MED10: variants seen among roughly 807,000 people sequenced by gnomAD.
The protein encoded by MED10 is mediator of RNA polymerase II transcription subunit 10.
A neutral mutation model predicts 17.2 loss-of-function variants in MED10; 9 were observed. The ratio of observed to expected loss-of-function variants is 0.52; its 90% confidence interval spans 0.31 to 0.91. The LOEUF (loss-of-function observed/expected upper bound fraction) is 0.91, where lower values mean the gene tolerates loss of function less well. Among genes scored for constraint, MED10 ranks in the 40% least tolerant of loss-of-function variants. The pLI, the probability that MED10 is intolerant of heterozygous loss-of-function variation, is 0.04. For synonymous variants in MED10, 66 were observed against 59.8 expected, an observed-to-expected ratio of 1.10 and a Z score of -0.48; for missense variants, 129 against 164.8, an observed-to-expected ratio of 0.78 and a Z score of 1.19.
rs1300595477 is a variant in MED10 at position 6,372,440 on chromosome 5, G to GC, written c.*62dup. On this transcript the variant is annotated 3_prime_UTR_variant, in exon 4 of 4. Coordinates refer to ENST00000255764, the MANE Select transcript of MED10 (RefSeq NM_032286.3). Reference sequence around the variant, plus strand: ...CAGCAGGAAGGTGGCGTCAGCACTCGCAGTCCCAGCCTCACGCCGCATCGC... The same window carrying GC: ...CAGCAGGAAGGTGGCGTCAGCACTCGCCAGTCCCAGCCTCACGCCGCATCGC... 2 of 1,399,674 alleles carry GC rather than the reference G, an allele frequency of 1.4e-6. No homozygotes were observed. The highest frequency in any genetic ancestry group is 2.8e-5 in the African/African-American group (2 of 70,638). 86.7% of individuals were successfully genotyped at this position (1,399,674 alleles called of 1,614,324 possible). A position where few individuals can be genotyped will look rare whatever the true frequency, so the allele number is the denominator to read the frequency against.
At chr5:6,373,759 A>C (rs1737936402) in intron 3 of MED10, among the ~76,000 whole-genome samples, 1 of 152,208 alleles carries the variant, frequency 6.6e-6, no homozygotes, top group African/African-American at 2.4e-5. Flanking sequence ...CAAATAAAGA[A>C]ACAAAACACC....
chr5:6,372,722 A>C (rs1442896756), intron 3 of MED10, 121 bp from the exon 4 acceptor site: 1 of 698,532 alleles, frequency 1.4e-6, no homozygotes, highest in Admixed American at 2.4e-5. Context: ...CACGGGACTG[A>C]CCTGAGACTT....
chr5:6,372,423 A>AG lies in MED10; in HGVS notation c.*79dup. ...AGGGCCCAGTCCCACCTCAGCAGGA[A>AG]GGTGGCGTCAGCACTCGCAGTCCCA... On this transcript the variant is annotated 3_prime_UTR_variant, in exon 4 of 4. Transcript: ENST00000255764. The AG allele has an allele frequency of 8.5e-7, 1 of 1,172,338 alleles. No individual in the cohort carries two copies. The highest frequency in any genetic ancestry group is 1.3e-6 in the Non-Finnish European group (1 of 781,956). 72.6% of individuals were successfully genotyped at this position (1,172,338 alleles called of 1,614,324 possible). A position where few individuals can be genotyped will look rare whatever the true frequency, so the allele number is the denominator to read the frequency against.
intron 2 of MED10, chr5:6,376,722 GTTTGGGAA>G (rs1424955630): frequency 6.6e-6 from 1 of 152,528 alleles, no homozygotes; most frequent in African/African-American, 2.4e-5. Context: ...TCCACGGGCA[GTTTGGGAA>G]CATCAGACCA....
At chr5:6,372,967 A>G (rs1737917355) in intron 3 of MED10, among the ~76,000 whole-genome samples, 1 of 152,190 alleles carries the variant, frequency 6.6e-6, no homozygotes, top group Non-Finnish European at 1.5e-5. Flanking sequence ...ATCAAGCGAA[A>G]CGGAACAATC....
chr5:6,377,200 G>A lies in MED10; in HGVS notation c.172C>T (p.Leu58Phe). ...LQDIDKCRQQLHDITVPLEVF... is the reference protein window; with the variant it reads ...LQDIDKCRQQFHDITVPLEVF... ...TCTAACGGTACAGTAATATCATGAA[G>A]CTGCTGTCTGCACTTGTCAATATCC... is the stretch of plus-strand genomic sequence containing the variant. Residue 58 changes from leucine (L) to phenylalanine (F), a missense_variant, in exon 2 of 4, where the codon CTT becomes TTT. By Grantham distance (22) the Leu-to-Phe change is conservative. Around this residue, in one of 3 missense-constraint regions of MED10, gnomAD observed 100 missense variants for 121.0 expected, o/e 0.83. Transcript: ENST00000255764. 1 of 1,610,014 alleles carries A rather than the reference G, an allele frequency of 6.2e-7. No individual in the cohort carries two copies. The highest frequency in any genetic ancestry group is 8.5e-7 in the Non-Finnish European group (1 of 1,178,038).
At chr5:6,377,116 A>G (rs1738010661) in intron 2 of MED10, 50 bp downstream of exon 2, 1 of 1,327,184 alleles carries the variant, frequency 7.5e-7, no homozygotes, top group African/African-American at 1.5e-5. Flanking sequence ...ATACCACACC[A>G]TAACTGAACA....
At chr5:6,377,120 C>T in intron 2 of MED10, 46 bp downstream of exon 2, 1 of 1,375,056 alleles carries the variant, frequency 7.3e-7, no homozygotes, top group Non-Finnish European at 1.0e-6. Context: ...CACACCATAA[C>T]TGAACAAGAT....
chr5:6,377,678 G>T (rs542273276), intron 1 of MED10, among the ~76,000 whole-genome samples: 1 of 152,282 alleles, frequency 6.6e-6, no homozygotes, highest in South Asian at 2.1e-4. Context: ...ACAGCATCAG[G>T]CTGGTCTGGC....
In MED10 at chr5:6,371,946, T is replaced by C. The variant is rs976345158; in HGVS notation, c.*557A>G. Reference sequence around the variant, plus strand: ...TGGAATAAGCCACATACTTAGTTTATTATAGGCATGTCTAATTGAAATCCA... The same window carrying C: ...TGGAATAAGCCACATACTTAGTTTACTATAGGCATGTCTAATTGAAATCCA... On this transcript the variant is annotated 3_prime_UTR_variant, in exon 4 of 4. Coordinates refer to ENST00000255764, the MANE Select transcript of MED10 (RefSeq NM_032286.3). 1.3e-5 allele frequency: 2 copies of C among 152,328 alleles called. No individual in the cohort carries two copies. The highest frequency in any genetic ancestry group is 2.9e-5 in the Non-Finnish European group (2 of 68,104). The allele number at this position is 152,328 out of a possible 1,614,324, so 9.4% of individuals were successfully genotyped here.
In MED10 at chr5:6,374,416, G is replaced by T; in HGVS notation, c.217C>A (p.Gln73Lys). The change falls in exon 3 of 4, where the codon CAA (glutamine) becomes AAA (lysine). Residue 73 changes from glutamine (Q) to lysine (K), a missense_variant. Gln to Lys is a moderately conservative substitution (Grantham distance 53, BLOSUM62 1). Transcript: ENST00000255764. The stretch of plus-strand genomic sequence containing the variant: ...GTGTAGAGCTGGGGATTTCGACCTT[G>T]ATCTATATATCTGGAAACACGATAT... ...VPLEVFEYID[Q>K]GRNPQLYTKE... 3.1e-6 allele frequency: 5 copies of T among 1,606,880 alleles called. No individual in the cohort carries two copies. The highest frequency in any genetic ancestry group is 4.3e-6 in the Non-Finnish European group (5 of 1,174,884).
At chr5:6,372,958 T>C (rs73040194) in intron 3 of MED10, among the ~76,000 whole-genome samples, 1,992 of 152,274 alleles carry the variant, frequency 0.013, 50 homozygotes, top group African/African-American at 0.045. Flanking sequence ...CTCAGCTTTA[T>C]CAAGCGAAAC....
At chr5:6,373,317 C>A (rs544074745) in intron 3 of MED10, among the ~76,000 whole-genome samples, 2 of 152,330 alleles carry the variant, frequency 1.3e-5, no homozygotes, top group Non-Finnish European at 2.9e-5. Flanking sequence ...GTGTCCCAGT[C>A]TGGCACCAGG....
At chr5:6,378,225 C>A (rs1441044975) in intron 1 of MED10, 137 bp downstream of exon 1, 36 of 1,280,762 alleles carry the variant, frequency 2.8e-5, no homozygotes, top group Non-Finnish European at 3.5e-5. Flanking sequence ...GCCCCGGGCT[C>A]CGGGACCAGA....
At chr5:6,374,295 T>C (rs1211746418) in intron 3 of MED10, 29 bp downstream of exon 3, 1 of 1,486,040 alleles carries the variant, frequency 6.7e-7, no homozygotes, top group Non-Finnish European at 9.4e-7. Context: ...CTCTTCCCAC[T>C]GTATTTCTGA....
intron 2 of MED10, chr5:6,376,914 T>G: frequency 3.1e-6 from 1 of 323,004 alleles, no homozygotes; most frequent in Non-Finnish European, 5.6e-6. Context: ...TATTTACATG[T>G]AACTTTTTTT....
chr5:6,378,041 G>A (rs1579254959), intron 1 of MED10, among the ~76,000 whole-genome samples: 1 of 152,200 alleles, frequency 6.6e-6, no homozygotes, highest in Admixed American at 6.5e-5. Context: ...AAGGCTGGGA[G>A]GGGGTTACAC....
intron 2 of MED10, among the ~76,000 whole-genome samples, chr5:6,376,177 A>C (rs1553982698): frequency 6.6e-6 from 1 of 152,244 alleles, no homozygotes; most frequent in Non-Finnish European, 1.5e-5. Flanking sequence ...GGTGAACAGA[A>C]GATCAGAGAC....
intron 3 of MED10, among the ~76,000 whole-genome samples, chr5:6,373,364 C>G (rs1737926023): frequency 6.6e-6 from 1 of 152,152 alleles, no homozygotes; most frequent in South Asian, 2.1e-4. Context: ...CCTCTGTGAT[C>G]CTGGAGCTCA....
Sources: gnomAD v4.1 joint callset for allele counts (sites outside exome capture counted in the v4.1 genomes callset) on GRCh38, gnomAD v4.1.1 for gene constraint, gnomAD v4.1.1 regional missense constraint, MANE v1.5 for transcripts, NCBI Gene and HGNC (gene_info 2026-07-23, HGNC 2026-07-21) for gene names.